The following MTHFD1L variants were observed in gnomAD, a reference collection of about 807,000 sequenced individuals.
The protein encoded by MTHFD1L is methylenetetrahydrofolate dehydrogenase (NADP+ dependent) 1 like.
In MTHFD1L, 81 loss-of-function variants were observed where a neutral mutation model predicts 119.5. The observed-to-expected ratio is 0.68, with a 90% confidence interval of 0.57 to 0.82. The LOEUF (loss-of-function observed/expected upper bound fraction) is 0.82, where lower values mean the gene tolerates loss of function less well. Among genes scored for constraint, MTHFD1L ranks in the 40% least tolerant of loss-of-function variants. MTHFD1L has a pLI of 0.00. For missense variants in MTHFD1L, 1,125 were observed against 1,253.4 expected (o/e 0.90, Z 1.55); for synonymous variants, 430 against 475.2 (o/e 0.90, Z 1.24).
chr6:150,866,604 G>T, intron 1 of MTHFD1L: 2 of 1,217,436 alleles, frequency 1.6e-6, no homozygotes, highest in Non-Finnish European at 2.0e-6. Context: ...TGGGGTCTGT[G>T]GCTGACGTCC....
At chr6:151,049,335 C>CA (rs936158443) in intron 26 of MTHFD1L, among the ~76,000 whole-genome samples, 1 of 151,964 alleles carries the variant, frequency 6.6e-6, no homozygotes, top group Non-Finnish European at 1.5e-5. Flanking sequence ...ACTAAAAATA[C>CA]AAAAAAATTA....
intron 26 of MTHFD1L, among the ~76,000 whole-genome samples, chr6:151,048,436 C>T (rs1328402628): frequency 2.0e-5 from 3 of 152,174 alleles, no homozygotes; most frequent in Non-Finnish European, 4.4e-5. Flanking sequence ...TTCTCTTGGC[C>T]TTCCCACAAT....
chr6:150,919,822 C>A (rs567311591), intron 9 of MTHFD1L, among the ~76,000 whole-genome samples: 6 of 152,310 alleles, frequency 3.9e-5, no homozygotes, highest in Non-Finnish European at 7.3e-5. Context: ...CTGGGGATTA[C>A]ATTTCAAGAT....
intron 27 of MTHFD1L, among the ~76,000 whole-genome samples, chr6:151,101,152 C>CTT (rs1795338123): frequency 6.6e-6 from 1 of 152,078 alleles, no homozygotes. Context: ...AAGTGAGACT[C>CTT]TGTCTCAAAA....
chr6:150,935,056 T>C (rs1791815155), intron 11 of MTHFD1L: 3 of 1,613,810 alleles, frequency 1.9e-6, no homozygotes, highest in African/African-American at 1.3e-5. Flanking sequence ...GTTTGGACTG[T>C]GCTGGAAAGA....
chr6:150,959,080 C>G, intron 17 of MTHFD1L: 1 of 621,278 alleles, frequency 1.6e-6, no homozygotes, highest in Non-Finnish European at 2.0e-6. Context: ...AAATTTCATA[C>G]AATGAAAGAC....
intron 15 of MTHFD1L, among the ~76,000 whole-genome samples, chr6:150,947,967 T>A (rs1166543412): frequency 6.6e-6 from 1 of 152,172 alleles, no homozygotes; most frequent in Non-Finnish European, 1.5e-5. Flanking sequence ...TATAATTCAC[T>A]CAAAGTTCAG....
At chr6:151,088,914 G>A (rs901719243) in intron 26 of MTHFD1L, among the ~76,000 whole-genome samples, 1 of 152,202 alleles carries the variant, frequency 6.6e-6, no homozygotes, top group African/African-American at 2.4e-5. Context: ...GGGTTTTCTT[G>A]TTTGTAAAGA....
chr6:151,059,564 C>T lies in MTHFD1L; in HGVS notation c.2847+22447C>T, dbSNP rs142773049. Among the ~76,000 whole-genome samples the T allele has an allele frequency of 1.2e-3, 179 of 152,234 alleles. 1 individual carries two copies. The highest frequency in any genetic ancestry group is 3.7e-3 in the African/African-American group (154 of 41,526). On this transcript the variant is annotated intron_variant, in intron 26 of 27. Coordinates refer to ENST00000367321, the MANE Select transcript of MTHFD1L (RefSeq NM_015440.5). The stretch of plus-strand genomic sequence containing the variant: ...TGAGAACTACCAAAGGAGTAAAATG[C>T]TCTAAAAGCCATCAGGTCCTTCCCA...
chr6:150,995,852 G>A (rs35947287), intron 20 of MTHFD1L, among the ~76,000 whole-genome samples: 2,025 of 152,006 alleles, frequency 0.013, 38 homozygotes, highest in African/African-American at 0.046. Flanking sequence ...TAGTAGAGAC[G>A]GGGTTTCACC....
At chr6:151,004,790 A>C (rs1197164470) in intron 20 of MTHFD1L, among the ~76,000 whole-genome samples, 1 of 152,274 alleles carries the variant, frequency 6.6e-6, no homozygotes, top group Non-Finnish European at 1.5e-5. Context: ...TAAGAGTATT[A>C]GTCAGCGTTT....
intron 26 of MTHFD1L, among the ~76,000 whole-genome samples, chr6:151,052,703 C>G (rs1454874263): frequency 6.6e-6 from 1 of 152,298 alleles, no homozygotes; most frequent in East Asian, 1.9e-4. Context: ...TTGCATAGCT[C>G]CAGCAGCACC....
At chr6:151,066,717 A>C (rs992567568) in intron 26 of MTHFD1L, among the ~76,000 whole-genome samples, 1 of 150,672 alleles carries the variant, frequency 6.6e-6, no homozygotes, top group Non-Finnish European at 1.5e-5. Flanking sequence ...GTGAGCCAAG[A>C]TTGCGCCATT....
At chr6:151,006,138 G>A (rs1422013848) in intron 20 of MTHFD1L, among the ~76,000 whole-genome samples, 1 of 144,074 alleles carries the variant, frequency 6.9e-6, no homozygotes, top group Admixed American at 6.9e-5. Context: ...GTGTACTTAG[G>A]ATGCTGCATG....
intron 11 of MTHFD1L, among the ~76,000 whole-genome samples, chr6:150,933,302 A>G (rs1791475370): frequency 6.6e-6 from 1 of 152,108 alleles, no homozygotes; most frequent in Non-Finnish European, 1.5e-5. Context: ...AGTCCTTTGC[A>G]AACACCAAAT....
At chr6:150,943,470 A>C (rs1793482650) in intron 13 of MTHFD1L, among the ~76,000 whole-genome samples, 1 of 151,246 alleles carries the variant, frequency 6.6e-6, no homozygotes, top group South Asian at 2.1e-4. Context: ...GTCTCTACAG[A>C]AAAAAAAAGA....
intron 20 of MTHFD1L, among the ~76,000 whole-genome samples, chr6:150,999,324 C>T (rs1780276067): frequency 6.6e-6 from 1 of 152,062 alleles, no homozygotes; most frequent in South Asian, 2.1e-4. Flanking sequence ...ATGTTAATGG[C>T]CAAGCCTGTC....
At chr6:150,943,330 ATAT>A (rs760772847) in intron 13 of MTHFD1L, among the ~76,000 whole-genome samples, 62 of 151,926 alleles carry the variant, frequency 4.1e-4, no homozygotes, top group Non-Finnish European at 7.5e-4. Flanking sequence ...CAATTTGGTG[ATAT>A]TATCAAGATC....
chr6:151,057,381 C>G, intron 26 of MTHFD1L: 1 of 982,632 alleles, frequency 1.0e-6, no homozygotes. Context: ...TGGCTCACGT[C>G]TGTAATCCCA....
Sources: allele counts gnomAD v4.1 joint callset (sites outside exome capture counted in the v4.1 genomes callset), GRCh38; gene constraint gnomAD v4.1.1; transcripts MANE v1.5; gene names NCBI Gene and HGNC (gene_info 2026-07-23, HGNC 2026-07-21).